The following PCDHGB7 variants were observed in gnomAD, a reference collection of about 807,000 sequenced individuals.
The protein encoded by PCDHGB7 is protocadherin gamma-B7.
In PCDHGB7, 37 loss-of-function variants were observed where a neutral mutation model predicts 61.4. The observed-to-expected ratio is 0.60, with a 90% confidence interval of 0.46 to 0.79. PCDHGB7 has a LOEUF of 0.79. PCDHGB7 is among the 30% of genes least tolerant of loss of function. The pLI is 0.00. For synonymous variants in PCDHGB7, 464 were observed against 503.5 expected (o/e 0.92, Z 1.05); for missense variants, 1,166 against 1,202.5 (o/e 0.97, Z 0.45).
Position 141,477,443 on chromosome 5 carries a change from G to C in PCDHGB7, c.2416-17364G>C. The C allele has an allele frequency of 6.2e-7, 1 of 1,614,136 alleles. No individual in the cohort carries two copies. Among genetic ancestry groups the C allele is most frequent in the Non-Finnish European group, 8.5e-7 (1 of 1,180,024 alleles). ...CCCTTCCCTCTCAGCCCTTACAATA[G>C]TGCGTGTTCAAGTGTCCGACATCAA... On this transcript the variant is annotated intron_variant, in intron 1 of 3. Coordinates refer to ENST00000398594, the MANE Select transcript of PCDHGB7 (RefSeq NM_018927.4). This position sits in a 1 kb window ranked among gnomAD's most constrained non-coding sequence, Gnocchi z 4.9.
rs199965876 is a variant in PCDHGB7, at chr5:141,419,464, C to G, written c.1605C>G (p.Arg535=). ...CCTTCGAGCTCACGCTGCAGGCCCG[C>G]GACCAGGGCTCGCCCGCGCTCAGCG... ...LRTFELTLQA[R]DQGSPALSAN... Residue 535 remains arginine, a synonymous_variant, in exon 1 of 4, where the codon CGC becomes CGG. Transcript: ENST00000398594. 4 of 1,612,542 alleles carry G rather than the reference C, an allele frequency of 2.5e-6. No homozygotes were observed. In the Admixed American group the frequency reaches 6.7e-5, roughly 27 times the overall value.
At position 141,418,494 on chromosome 5, in the gene PCDHGB7, T is replaced by TGATGGTGGG; in HGVS notation, c.637_638insTGGTGGGGA (p.Leu212_Thr213insMetValGly). 6.2e-7 allele frequency: 1 copy of TGATGGTGGG among 1,614,020 alleles called. No homozygotes were observed. Among genetic ancestry groups the TGATGGTGGG allele is most frequent in the Non-Finnish European group, 8.5e-7 (1 of 1,179,906 alleles). The stretch of plus-strand genomic sequence containing the variant: ...ACGCAGAGCGCTCACCACTTGGTAC[T>TGATGGTGGG]GACCGCCTTAGATGGTGGGGACCCT... On this transcript the variant is annotated inframe_insertion, in exon 1 of 4. Coordinates refer to ENST00000398594, the MANE Select transcript of PCDHGB7 (RefSeq NM_018927.4).
At position 141,485,789 on chromosome 5, in the gene PCDHGB7, T is replaced by G. The variant is rs1276069810; in HGVS notation, c.2416-9018T>G. The G allele has an allele frequency of 1.2e-6, 2 of 1,613,978 alleles. No individual in the cohort carries two copies. The highest frequency in any genetic ancestry group is 1.7e-6 in the Non-Finnish European group (2 of 1,180,030). On this transcript the variant is annotated intron_variant, in intron 1 of 3. Coordinates refer to ENST00000398594, the MANE Select transcript of PCDHGB7 (RefSeq NM_018927.4). This position sits in a 1 kb window ranked among gnomAD's most constrained non-coding sequence, Gnocchi z 5.7. ...GAAGCCTTTGGATCGAGAGAAGCAATCGGACTACCGCCTGGTGCTGACTGC... is the reference window on the plus strand; with the variant it reads ...GAAGCCTTTGGATCGAGAGAAGCAAGCGGACTACCGCCTGGTGCTGACTGC...
intron 1 of PCDHGB7, chr5:141,423,628 AT>A (rs2096762361): frequency 6.2e-7 from 1 of 1,604,844 alleles, no homozygotes; most frequent in Admixed American, 1.7e-5. Flanking sequence ...CTCAGCTATC[AT>A]TTTAGGCAAA....
intron 1 of PCDHGB7, chr5:141,428,255 G>A (rs2097128504): frequency 1.1e-6 from 1 of 875,462 alleles, no homozygotes; most frequent in Non-Finnish European, 1.8e-6. Context: ...CCAGACTTCA[G>A]TGACAGTCCT....
chr5:141,418,343 A>G lies in PCDHGB7; in HGVS notation c.484A>G (p.Ile162Val). The G allele has an allele frequency of 6.2e-7, 1 of 1,614,010 alleles. No individual in the cohort carries two copies. Among genetic ancestry groups the G allele is most frequent in the Non-Finnish European group, 8.5e-7 (1 of 1,179,898 alleles). ...TILESAEDPD[I>V]SMNSLSKYQL... The stretch of plus-strand genomic sequence containing the variant: ...TCTTGAGTCTGCAGAAGATCCTGAT[A>G]TTAGTATGAATTCGCTGAGCAAATA... Residue 162 changes from isoleucine (I) to valine (V), a missense_variant, in exon 1 of 4, where the codon ATT becomes GTT. Physicochemically the swap from Ile to Val is conservative, Grantham distance 29. Transcript: ENST00000398594.
At chr5:141,466,965 C>A (rs1345790988) in intron 1 of PCDHGB7, among the ~76,000 whole-genome samples, 1 of 152,016 alleles carries the variant, frequency 6.6e-6, no homozygotes, top group East Asian at 1.9e-4. Context: ...CAAATATTTT[C>A]TCACAGCTCA....
chr5:141,469,370 A>T (rs1453825795), intron 1 of PCDHGB7, among the ~76,000 whole-genome samples: 1 of 152,106 alleles, frequency 6.6e-6, no homozygotes, highest in Non-Finnish European at 1.5e-5. Flanking sequence ...AGGTAAAGAG[A>T]TCGAGACCAT....
At chr5:141,501,290 TACAC>T (rs55762287) in intron 2 of PCDHGB7, among the ~76,000 whole-genome samples, 45,565 of 135,778 alleles carry the variant, frequency 0.34, 7,845 homozygotes, top group Non-Finnish European at 0.42. Flanking sequence ...TATTCCCTTA[TACAC>T]ACACACACAC....
rs769467027 is a variant in PCDHGB7, at chr5:141,477,255, A to G, written c.2416-17552A>G. On this transcript the variant is annotated intron_variant, in intron 1 of 3. Transcript: ENST00000398594. This position sits in a 1 kb window ranked among gnomAD's most constrained non-coding sequence, Gnocchi z 4.9. ...GCTTTGCTCAGTGTGACTGACCTGGATGCTGGCGAGAACGGGCTGGTGACC... is the reference window on the plus strand; with the variant it reads ...GCTTTGCTCAGTGTGACTGACCTGGGTGCTGGCGAGAACGGGCTGGTGACC... 1 of 1,614,146 alleles carries G rather than the reference A, an allele frequency of 6.2e-7. No individual in the cohort carries two copies. Among genetic ancestry groups the G allele is most frequent in the East Asian group, 2.2e-5 (1 of 44,874 alleles).
Position 141,495,011 on chromosome 5 carries a change from G to A in PCDHGB7, c.2474+146G>A, listed in dbSNP as rs2099758277. On this transcript the variant is annotated intron_variant, in intron 2 of 3. Coordinates refer to ENST00000398594, the MANE Select transcript of PCDHGB7 (RefSeq NM_018927.4). ...CCAGGGAGGTCTTGGTGTGCGGGGG[G>A]CTGGCACACAGACCCCGGAAGGAAG... is the stretch of plus-strand genomic sequence containing the variant. 4.6e-6 allele frequency: 7 copies of A among 1,512,044 alleles called. No individual in the cohort carries two copies. In the East Asian group the frequency reaches 1.5e-4, roughly 32 times the overall value. 93.7% of individuals were successfully genotyped at this position (1,512,044 alleles called of 1,614,324 possible).
In PCDHGB7 at chr5:141,419,316, G is replaced by A. The variant is rs775328616; in HGVS notation, c.1457G>A (p.Arg486His). 1.1e-5 allele frequency: 18 copies of A among 1,613,994 alleles called. No individual in the cohort carries two copies. In the South Asian group the frequency reaches 1.8e-4, roughly 16 times the overall value. The change falls in exon 1 of 4, where the codon CGT becomes CAT. Residue 486 changes from arginine to histidine, a missense_variant. Coordinates refer to ENST00000398594, the MANE Select transcript of PCDHGB7 (RefSeq NM_018927.4). ...GACCCAGACTTCGGGCTCAACGGCC[G>A]TGTCTCCTACTCTCTCATTGCCAGC... ...ASDPDFGLNGRVSYSLIASDL... is the reference protein window; with the variant it reads ...ASDPDFGLNGHVSYSLIASDL...
In PCDHGB7 at chr5:141,419,414, GCCTTCGACCACGAGCAGCTGCGCA is replaced by G; in HGVS notation, c.1563_1586del (p.Asp521_Phe528del). Reference sequence around the variant, plus strand: ...GAGCGGGGTGGTGTTCGCGCAGCGCGCCTTCGACCACGAGCAGCTGCGCACCTTCGAGCTCACGCTGCAGGCCCG... The same window carrying G: ...GAGCGGGGTGGTGTTCGCGCAGCGCGCCTTCGAGCTCACGCTGCAGGCCCG... On this transcript the variant is annotated inframe_deletion, in exon 1 of 4. Transcript: ENST00000398594. The G allele has an allele frequency of 6.2e-7, 1 of 1,613,428 alleles. No homozygotes were observed. The highest frequency in any genetic ancestry group is 1.1e-5 in the South Asian group (1 of 91,068).
chr5:141,458,059 T>G (rs533147047), intron 1 of PCDHGB7, among the ~76,000 whole-genome samples: 39 of 152,358 alleles, frequency 2.6e-4, no homozygotes, highest in African/African-American at 8.9e-4. Context: ...CTTGCTGCAC[T>G]GATGCGAACA....
At position 141,485,398 on chromosome 5, in the gene PCDHGB7, C is replaced by T. The variant is rs906016330; in HGVS notation, c.2416-9409C>T. The T allele has an allele frequency of 1.3e-5, 21 of 1,614,044 alleles. No individual in the cohort carries two copies. The highest frequency in any genetic ancestry group is 1.8e-5 in the Non-Finnish European group (21 of 1,179,928). On this transcript the variant is annotated intron_variant, in intron 1 of 3. Coordinates refer to ENST00000398594, the MANE Select transcript of PCDHGB7 (RefSeq NM_018927.4). This position sits in a 1 kb window ranked among gnomAD's most constrained non-coding sequence, Gnocchi z 5.7. ...CTGGAGAGGTGAACCAAAGACACTT[C>T]CGTGTGGATTTGGACAGCGGAGCCC...
intron 1 of PCDHGB7, among the ~76,000 whole-genome samples, chr5:141,455,291 A>G (rs1212745731): frequency 6.6e-6 from 1 of 152,072 alleles, no homozygotes; most frequent in Non-Finnish European, 1.5e-5. Flanking sequence ...CACTTTACAT[A>G]GTTTCATCTT....
rs1223618064 is a variant in PCDHGB7 at position 141,512,867 on chromosome 5, C to T, written c.*1694C>T. On this transcript the variant is annotated 3_prime_UTR_variant, in exon 4 of 4. Transcript: ENST00000398594. The stretch of plus-strand genomic sequence containing the variant: ...ATAAGCGCTTCTCTTCGCATAGTCA[C>T]GTAGCTCCCACCCCACCCTCTTCCT... 1 of 152,184 alleles carries T rather than the reference C, an allele frequency of 6.6e-6. No homozygotes were observed. The highest frequency in any genetic ancestry group is 1.5e-5 in the Non-Finnish European group (1 of 68,056). The allele number at this position is 152,184 out of a possible 1,614,324, so 9.4% of individuals were successfully genotyped here. A position where few individuals can be genotyped will look rare whatever the true frequency, so the allele number is the denominator to read the frequency against.
At chr5:141,452,082 T>C (rs924362905) in intron 1 of PCDHGB7, among the ~76,000 whole-genome samples, 6 of 152,358 alleles carry the variant, frequency 3.9e-5, no homozygotes, top group Admixed American at 6.5e-5. Flanking sequence ...GTTGGCATTA[T>C]ACAGTAAGAA....
At position 141,477,055 on chromosome 5, in the gene PCDHGB7, G is replaced by A. The variant is rs531755338; in HGVS notation, c.2416-17752G>A. Reference sequence around the variant, plus strand: ...CAATCAAGGGTCGGCTGGACTTCGAGGACACCAAACTCCATGAGATTTACA... The same window carrying A: ...CAATCAAGGGTCGGCTGGACTTCGAAGACACCAAACTCCATGAGATTTACA... On this transcript the variant is annotated intron_variant, in intron 1 of 3. Transcript: ENST00000398594. This position sits in a 1 kb window ranked among gnomAD's most constrained non-coding sequence, Gnocchi z 4.9. The A allele has an allele frequency of 4.5e-5, 72 of 1,614,242 alleles. 1 individual carries two copies. In the South Asian group the frequency reaches 7.8e-4, roughly 17 times the overall value.
Sources: gnomAD v4.1 joint callset for allele counts (sites outside exome capture counted in the v4.1 genomes callset) on GRCh38, gnomAD v4.1.1 for gene constraint, Gnocchi (gnomAD v3.1) non-coding constraint, MANE v1.5 for transcripts, NCBI Gene and HGNC (gene_info 2026-07-23, HGNC 2026-07-21) for gene names.